The following TXK variants were observed in gnomAD, a reference collection of about 807,000 sequenced individuals.
TXK encodes the protein tyrosine-protein kinase TXK.
TXK carries 60 observed loss-of-function variants against 81.0 expected under a neutral mutation model. That is an observed-to-expected ratio of 0.74 (90% CI 0.60 to 0.92). The LOEUF is 0.92. Ranked by LOEUF, TXK falls within the 40% of genes least tolerant of loss-of-function variation. The pLI is 0.00. For missense variants in TXK, 581 were observed against 638.3 expected (o/e 0.91, Z 0.97); for synonymous variants, 203 against 210.7 (o/e 0.96, Z 0.32).
chr4:48,070,321 T>A (rs1372944156), intron 14 of TXK, among the ~76,000 whole-genome samples: 3 of 152,174 alleles, frequency 2.0e-5, no homozygotes, highest in African/African-American at 7.2e-5. Flanking sequence ...AAAACTAAGT[T>A]CTGGAGAGAT....
intron 9 of TXK, among the ~76,000 whole-genome samples, chr4:48,087,598 T>C (rs1456599465): frequency 2.0e-5 from 3 of 152,032 alleles, no homozygotes; most frequent in African/African-American, 2.4e-5. Flanking sequence ...CACGCCTTGA[T>C]AATTTTTTGT....
At chr4:48,112,546 C>A in intron 3 of TXK, 34 bp from the exon 4 acceptor site, 1 of 1,555,660 alleles carries the variant, frequency 6.4e-7, no homozygotes, top group Non-Finnish European at 8.7e-7. Flanking sequence ...GTTTTACTAT[C>A]ATTTTAATAA....
intron 1 of TXK, among the ~76,000 whole-genome samples, chr4:48,121,089 CTTTT>C (rs554130116): frequency 5.2e-4 from 79 of 152,282 alleles, no homozygotes; most frequent in Middle Eastern, 3.4e-3. Flanking sequence ...TTGATTTCTT[CTTTT>C]CTTTGTCTTA....
intron 6 of TXK, among the ~76,000 whole-genome samples, chr4:48,101,056 T>G (rs559449855): frequency 6.6e-6 from 1 of 152,206 alleles, no homozygotes; most frequent in Admixed American, 6.5e-5. Context: ...AGTTTTTCTG[T>G]GGGTAGGGAA....
At chr4:48,071,807 G>A (rs774010521) in intron 13 of TXK, 133 bp from the exon 14 acceptor site, 109 of 978,694 alleles carry the variant, frequency 1.1e-4, no homozygotes, top group South Asian at 1.5e-4. Flanking sequence ...GAATAACAGC[G>A]GTTCTGTCAA....
At chr4:48,098,642 C>T (rs1470920594) in intron 6 of TXK, among the ~76,000 whole-genome samples, 1 of 152,132 alleles carries the variant, frequency 6.6e-6, no homozygotes, top group East Asian at 1.9e-4. Flanking sequence ...CAGCATCGTG[C>T]TATATGTGGA....
chr4:48,114,456 A>C (rs777532743), intron 1 of TXK, 54 bp from the exon 2 acceptor site: 51 of 1,563,020 alleles, frequency 3.3e-5, no homozygotes, highest in Middle Eastern at 3.3e-4. Context: ...CGTGATATTG[A>C]GGGAGTCTCT....
rs142120774 is a variant in TXK at position 48,124,232 on chromosome 4, C to G, written c.17-9830G>C. ...ACTGAATATTTAGGGCATCTCTGGC[C>G]TTTATGCACTAGATGCCGGCAGCAA... On this transcript the variant is annotated intron_variant, in intron 1 of 14. Coordinates refer to ENST00000264316, the MANE Select transcript of TXK (RefSeq NM_003328.3). Among the ~76,000 whole-genome samples the G allele has an allele frequency of 2.9e-3, 437 of 152,192 alleles. 4 individuals are homozygous for G. Among genetic ancestry groups the G allele is most frequent in the African/African-American group, 0.01 (421 of 41,540 alleles).
intron 10 of TXK, among the ~76,000 whole-genome samples, chr4:48,085,098 T>C (rs1717468925): frequency 6.6e-6 from 1 of 152,204 alleles, no homozygotes; most frequent in Admixed American, 6.5e-5. Context: ...ATTTAAAGAA[T>C]GTTAATTTGA....
chr4:48,131,967 A>G (rs1719256469), intron 1 of TXK, among the ~76,000 whole-genome samples: 1 of 151,314 alleles, frequency 6.6e-6, no homozygotes, highest in African/African-American at 2.4e-5. Flanking sequence ...TTCTGTTTAC[A>G]GGAGGCTTGT....
intron 8 of TXK, among the ~76,000 whole-genome samples, chr4:48,093,556 G>A (rs1255753540): frequency 1.3e-5 from 2 of 152,184 alleles, no homozygotes; most frequent in African/African-American, 4.8e-5. Flanking sequence ...ACAATGTCTG[G>A]GGAGATGGGT....
At chr4:48,111,334 G>A (rs1718627034) in intron 4 of TXK, among the ~76,000 whole-genome samples, 1 of 152,194 alleles carries the variant, frequency 6.6e-6, no homozygotes, top group Non-Finnish European at 1.5e-5. Flanking sequence ...ATTTTGATAT[G>A]TGCATGTAAG....
intron 12 of TXK, among the ~76,000 whole-genome samples, chr4:48,074,707 A>G (rs1396054): frequency 0.076 from 11,574 of 152,186 alleles, 1,504 homozygotes; most frequent in African/African-American, 0.26. Flanking sequence ...AGAGACAAAA[A>G]TAAACTTGTG....
chr4:48,074,076 A>G, intron 12 of TXK, 23 bp from the exon 13 acceptor site: 1 of 1,550,450 alleles, frequency 6.4e-7, no homozygotes. Flanking sequence ...GATTCAAAGC[A>G]TATTGTGTTA....
At position 48,093,947 on chromosome 4, in the gene TXK, A is replaced by G; in HGVS notation, c.709+130T>C. On this transcript the variant is annotated intron_variant, in intron 8 of 14. Transcript: ENST00000264316. ...TAAGAAAGATAATTGCTCAAAAGATAAGTTGTACTTCAAGCTTTTAAACTA... is the reference window on the plus strand; with the variant it reads ...TAAGAAAGATAATTGCTCAAAAGATGAGTTGTACTTCAAGCTTTTAAACTA... 2.4e-6 allele frequency: 3 copies of G among 1,258,118 alleles called. No homozygotes were observed. The Admixed American group carries it at 6.1e-5, about 26-fold the overall frequency. The allele number at this position is 1,258,118 out of a possible 1,614,324, so 77.9% of individuals were successfully genotyped here. A position where few individuals can be genotyped will look rare whatever the true frequency, so the allele number is the denominator to read the frequency against.
intron 14 of TXK, among the ~76,000 whole-genome samples, chr4:48,069,153 T>G (rs546144557): frequency 6.9e-6 from 1 of 143,924 alleles, no homozygotes; most frequent in Admixed American, 7.0e-5. Context: ...TTTTAAAAAA[T>G]TAGCTGGTCA....
chr4:48,074,151 T>C (rs1716972712), intron 12 of TXK, 98 bp from the exon 13 acceptor site: 6 of 902,974 alleles, frequency 6.6e-6, no homozygotes, highest in Non-Finnish European at 1.7e-6. Context: ...AAAGACAAAG[T>C]ATTTTACCCC....
In TXK at chr4:48,086,466, A is replaced by T; in HGVS notation, c.956T>A (p.Met319Lys). ...TTATCAGGGTGTTGTTTATACGTACATCATCACTTTGGCCTCTTCAATGAA... is the reference window on the plus strand; with the variant it reads ...TTATCAGGGTGTTGTTTATACGTACTTCATCACTTTGGCCTCTTCAATGAA... ...EDFIEEAKVM[M>K]KLSHSKLVQL... Residue 319 changes from methionine to lysine, a missense_variant and splice_region_variant, in exon 10 of 15, where the codon ATG becomes AAG. Physicochemically the swap from Met to Lys is moderately conservative, Grantham distance 95 (BLOSUM62 -1). Transcript: ENST00000264316. The T allele has an allele frequency of 6.2e-7, 1 of 1,614,052 alleles. No individual in the cohort carries two copies. Among genetic ancestry groups the T allele is most frequent in the Non-Finnish European group, 8.5e-7 (1 of 1,179,922 alleles).
At chr4:48,105,074 T>C in intron 5 of TXK, 119 bp from the exon 6 acceptor site, 1 of 646,006 alleles carries the variant, frequency 1.5e-6, no homozygotes, top group East Asian at 3.1e-5. Flanking sequence ...AGTTGAGTGT[T>C]TTTTTAAATT....
Sources: allele counts gnomAD v4.1 joint callset (sites outside exome capture counted in the v4.1 genomes callset), GRCh38; gene constraint gnomAD v4.1.1; transcripts MANE v1.5; gene names NCBI Gene and HGNC (gene_info 2026-07-23, HGNC 2026-07-21).